Variants in PCDHA3 observed in about 807,000 individuals in gnomAD.
The protein encoded by PCDHA3 is protocadherin alpha 3, also known as protocadherin alpha-3.
In PCDHA3, 41 loss-of-function variants were observed where a neutral mutation model predicts 62.2. The ratio of observed to expected loss-of-function variants is 0.66; its 90% CI spans 0.51 to 0.86. The LOEUF (loss-of-function observed/expected upper bound fraction) is 0.86. Among genes scored for constraint, PCDHA3 ranks in the 40% least tolerant of loss-of-function variants. The pLI is 0.00. For synonymous variants in PCDHA3, 640 were observed against 555.4 expected, an observed-to-expected ratio of 1.15 and a Z score of -2.14; for missense variants, 1,304 against 1,241.2, an observed-to-expected ratio of 1.05 and a Z score of -0.76.
Position 140,839,125 on chromosome 5 carries a change from C to T in PCDHA3, c.2394+35534C>T, listed in dbSNP as rs146206421. ...TATTTACCATTAAGCCATAATATGT[C>T]ATTCACATAAGCAGACCAAGTTTGC... On this transcript the variant is annotated intron_variant, in intron 1 of 3. Transcript: ENST00000522353. Among the ~76,000 whole-genome samples, 144 of 151,494 alleles carry T rather than the reference C, an allele frequency of 9.5e-4. 3 individuals carry two copies. The highest frequency in any genetic ancestry group is 3.4e-3 in the African/African-American group (139 of 41,138).
intron 1 of PCDHA3, chr5:140,828,572 G>A: frequency 3.1e-6 from 5 of 1,614,228 alleles, no homozygotes; most frequent in Non-Finnish European, 4.2e-6. Flanking sequence ...GTCCGATGCA[G>A]ATGTTGGCTC....
At chr5:140,999,933 A>T (rs1554257043) in intron 3 of PCDHA3, among the ~76,000 whole-genome samples, 1 of 152,124 alleles carries the variant, frequency 6.6e-6, no homozygotes, top group African/African-American at 2.4e-5. Context: ...AGCTCAACTC[A>T]TTCCACCCAA....
chr5:140,979,566 G>A (rs2096856791), intron 2 of PCDHA3, among the ~76,000 whole-genome samples: 1 of 152,194 alleles, frequency 6.6e-6, no homozygotes, highest in Non-Finnish European at 1.5e-5. Flanking sequence ...GATGAGCCAT[G>A]TAAAGGGCTC....
At chr5:140,918,977 AG>A (rs1226723076) in intron 1 of PCDHA3, among the ~76,000 whole-genome samples, 6 of 152,192 alleles carry the variant, frequency 3.9e-5, no homozygotes, top group African/African-American at 1.4e-4. Context: ...CGTTTAGGTT[AG>A]TTGGTTTTTA....
intron 1 of PCDHA3, chr5:140,861,415 G>T (rs1400394792): frequency 4.2e-6 from 2 of 475,856 alleles, no homozygotes; most frequent in Non-Finnish European, 8.6e-6. Context: ...CTGATACCGC[G>T]CCTGTTTCAG....
At chr5:140,868,600 T>C (rs2050538799) in intron 1 of PCDHA3, 1 of 153,224 alleles carries the variant, frequency 6.5e-6, no homozygotes, top group African/African-American at 2.4e-5. Context: ...CCCTAGTTTT[T>C]CATGAGGCCA....
chr5:140,843,829 G>T (rs1554140457), intron 1 of PCDHA3: 1 of 1,170,122 alleles, frequency 8.5e-7, no homozygotes, highest in African/African-American at 1.5e-5. Flanking sequence ...TTTAAACATT[G>T]TTTAGTTTTT....
At chr5:140,841,948 C>T (rs1777604440) in intron 1 of PCDHA3, 1 of 1,613,804 alleles carries the variant, frequency 6.2e-7, no homozygotes, top group Non-Finnish European at 8.5e-7. Flanking sequence ...CTGCGCACCA[C>T]TTATTCCTGA....
chr5:140,979,408 G>GTT (rs558051720), intron 2 of PCDHA3, among the ~76,000 whole-genome samples: 2 of 147,646 alleles, frequency 1.4e-5, no homozygotes, highest in African/African-American at 2.5e-5. Context: ...TGTCTACCTT[G>GTT]TTTTTTTTTT....
intron 3 of PCDHA3, among the ~76,000 whole-genome samples, chr5:141,002,270 G>T (rs1304168184): frequency 6.6e-6 from 1 of 152,172 alleles, no homozygotes; most frequent in Non-Finnish European, 1.5e-5. Context: ...CCCAGAGCTG[G>T]TAACAAAGGG....
rs782040160 is a variant in PCDHA3 at position 140,802,448 on chromosome 5, C to G, written c.1251C>G (p.Ser417Arg). 2.5e-6 allele frequency: 4 copies of G among 1,614,080 alleles called. No individual in the cohort carries two copies. The highest frequency in any genetic ancestry group is 2.2e-5 in the South Asian group (2 of 91,082). ...LVLDSPLDRE[S>R]VSAYELVVTA... ...TGGACAGCCCTCTGGACCGCGAGAG[C>G]GTGTCGGCCTATGAGCTGGTGGTGA... Residue 417 changes from serine (S) to arginine (R), a missense_variant, in exon 1 of 4, where the codon AGC becomes AGG. Physicochemically the swap from Ser to Arg is moderately radical, Grantham distance 110. Transcript: ENST00000522353.
chr5:140,836,387 G>T (rs1435398883), intron 1 of PCDHA3: 1 of 1,613,748 alleles, frequency 6.2e-7, no homozygotes, highest in Non-Finnish European at 8.5e-7. Flanking sequence ...TGCTGGTGTC[G>T]CTGGTGGAAA....
chr5:140,957,281 T>A (rs1317654133), intron 1 of PCDHA3, among the ~76,000 whole-genome samples: 3 of 152,178 alleles, frequency 2.0e-5, no homozygotes, highest in Non-Finnish European at 2.9e-5. Flanking sequence ...CCCCCTTACC[T>A]GCAGTTTCAC....
At chr5:140,954,618 G>C (rs1312581802) in intron 1 of PCDHA3, among the ~76,000 whole-genome samples, 3 of 152,078 alleles carry the variant, frequency 2.0e-5, no homozygotes, top group Non-Finnish European at 2.9e-5. Flanking sequence ...TAATGGGCTT[G>C]TTTGGGTTTT....
At chr5:140,900,206 C>A (rs1286660558) in intron 1 of PCDHA3, among the ~76,000 whole-genome samples, 1 of 152,172 alleles carries the variant, frequency 6.6e-6, no homozygotes, top group Non-Finnish European at 1.5e-5. Flanking sequence ...CCAGTTTCAT[C>A]CAGGTTGTTG....
At chr5:140,912,410 T>C (rs2075912290) in intron 1 of PCDHA3, among the ~76,000 whole-genome samples, 1 of 152,090 alleles carries the variant, frequency 6.6e-6, no homozygotes, top group Non-Finnish European at 1.5e-5. Context: ...AGCTTGGTTA[T>C]TATTGGTGTA....
intron 1 of PCDHA3, chr5:140,882,650 G>A (rs782695823): frequency 8.1e-6 from 13 of 1,614,212 alleles, no homozygotes; most frequent in Non-Finnish European, 8.5e-6. Context: ...GGACATTAAC[G>A]ACAACCCGCC....
chr5:140,803,020 C>T lies in PCDHA3; in HGVS notation c.1823C>T (p.Ser608Leu), dbSNP rs1274408864. 6.2e-7 allele frequency: 1 copy of T among 1,613,916 alleles called. No homozygotes were observed. Among genetic ancestry groups the T allele is most frequent in the African/African-American group, 1.3e-5 (1 of 74,938 alleles). The change falls in exon 1 of 4, where the codon TCG becomes TTG. Residue 608 changes from serine (S) to leucine (L), a missense_variant. Coordinates refer to ENST00000522353, the MANE Select transcript of PCDHA3 (RefSeq NM_018906.3). The part of the protein sequence containing the change: ...DADSGYNAWL[S>L]YELQPGTGGA... ...GACTCAGGCTACAACGCGTGGCTTT[C>T]GTATGAGCTGCAGCCTGGGACCGGC... is the stretch of plus-strand genomic sequence containing the variant.
chr5:140,866,929 A>C (rs1189639503), intron 1 of PCDHA3: 1 of 152,160 alleles, frequency 6.6e-6, no homozygotes, highest in African/African-American at 2.4e-5. Context: ...CAAAGGGCGC[A>C]TAATCTCTTC....
Sources: allele counts gnomAD v4.1 joint callset (sites outside exome capture counted in the v4.1 genomes callset), GRCh38; gene constraint gnomAD v4.1.1; transcripts MANE v1.5; gene names NCBI Gene and HGNC (gene_info 2026-07-23, HGNC 2026-07-21).